The following UGT1A7 variants were observed in gnomAD, a reference collection of about 807,000 sequenced individuals.
UGT1A7 encodes the protein UDP-glucuronosyltransferase 1A7.
A neutral mutation model predicts 45.6 loss-of-function variants in UGT1A7; 33 were observed. The observed-to-expected ratio is 0.72, with a 90% CI of 0.55 to 0.97. The LOEUF (loss-of-function observed/expected upper bound fraction) is 0.97, where lower values mean the gene tolerates loss of function less well. Among genes scored for constraint, UGT1A7 ranks in the 50% least tolerant of loss-of-function variants. The pLI is 0.00. For missense variants in UGT1A7, 684 were observed against 666.2 expected (o/e 1.03, Z -0.29); for synonymous variants, 274 against 250.6 (o/e 1.09, Z -0.88).
Position 233,753,486 on chromosome 2 carries a change from C to T in UGT1A7, c.856-13548C>T, listed in dbSNP as rs1410623213. The T allele has an allele frequency of 2.0e-5, 3 of 152,196 alleles. No homozygotes were observed. The East Asian group carries it at 5.8e-4, about 29-fold the overall frequency. 9.4% of individuals were successfully genotyped at this position (152,196 alleles called of 1,614,324 possible). On this transcript the variant is annotated intron_variant, in intron 1 of 4. Coordinates refer to ENST00000373426, the MANE Select transcript of UGT1A7 (RefSeq NM_019077.3). ...TGTAAAAAATTACCAGCATGCTGCT[C>T]TTAATTTTTTTCAGCCTGTCTAGTT... is the stretch of plus-strand genomic sequence containing the variant.
chr2:233,736,773 T>A (rs572779533), intron 1 of UGT1A7, among the ~76,000 whole-genome samples: 1 of 152,322 alleles, frequency 6.6e-6, no homozygotes, highest in African/African-American at 2.4e-5. Flanking sequence ...AACAGTCAGA[T>A]CCCTCAGCTG....
chr2:233,694,710 C>T (rs934435713), intron 1 of UGT1A7, among the ~76,000 whole-genome samples: 1 of 152,132 alleles, frequency 6.6e-6, no homozygotes, highest in African/African-American at 2.4e-5. Flanking sequence ...TTCTTTACAC[C>T]TGCTGATTTC....
chr2:233,744,799 C>T (rs571960868), intron 1 of UGT1A7, among the ~76,000 whole-genome samples: 2 of 151,914 alleles, frequency 1.3e-5, no homozygotes, highest in East Asian at 3.9e-4. Flanking sequence ...CTTGGGGATC[C>T]CTAGGATTTC....
At chr2:233,735,547 G>A (rs571609142) in intron 1 of UGT1A7, among the ~76,000 whole-genome samples, 2 of 152,250 alleles carry the variant, frequency 1.3e-5, no homozygotes, top group South Asian at 4.1e-4. Flanking sequence ...ATTTGATCCT[G>A]TCATTATGGT....
chr2:233,692,873 A>G, intron 1 of UGT1A7: 2 of 1,491,190 alleles, frequency 1.3e-6, no homozygotes, highest in Middle Eastern at 2.5e-4. Flanking sequence ...ATCAAAGGGT[A>G]AAATTCAGAG....
intron 1 of UGT1A7, chr2:233,729,669 C>T: frequency 6.2e-7 from 1 of 1,613,910 alleles, no homozygotes; most frequent in Non-Finnish European, 8.5e-7. Context: ...GTGATTTAGA[C>T]TTTAAGGGCA....
At chr2:233,717,463 G>T (rs374557809) in intron 1 of UGT1A7, among the ~76,000 whole-genome samples, 2 of 152,198 alleles carry the variant, frequency 1.3e-5, no homozygotes, top group African/African-American at 4.8e-5. Context: ...CCTGTCCCAT[G>T]GGTTGTGTCC....
At chr2:233,763,858 C>A (rs577598991) in intron 1 of UGT1A7, among the ~76,000 whole-genome samples, 1 of 152,130 alleles carries the variant, frequency 6.6e-6, no homozygotes, top group Admixed American at 6.5e-5. Flanking sequence ...GGTTCACAGA[C>A]AATCGCAATG....
At chr2:233,751,878 G>C (rs139907629) in intron 1 of UGT1A7, among the ~76,000 whole-genome samples, 11 of 152,224 alleles carry the variant, frequency 7.2e-5, no homozygotes, top group African/African-American at 2.4e-4. Flanking sequence ...CCCCGTCTTG[G>C]GTATGTCTTT....
chr2:233,754,833 T>C (rs1695605452), intron 1 of UGT1A7: 1 of 1,343,184 alleles, frequency 7.4e-7, no homozygotes, highest in African/African-American at 1.5e-5. Context: ...AGCTGGAAAT[T>C]CACTGAAGGC....
rs186890365 is a variant in UGT1A7, at chr2:233,713,915, T to C, written c.855+31123T>C. ...TCCAGGCAAAACACTTTTTAAAAAA[T>C]GTATTTACTTACAAGTGCTTCCATA... On this transcript the variant is annotated intron_variant, in intron 1 of 4. Coordinates refer to ENST00000373426, the MANE Select transcript of UGT1A7 (RefSeq NM_019077.3). The C allele has an allele frequency of 2.9e-3, 4,603 of 1,612,454 alleles. 7 individuals are homozygous for C. Among genetic ancestry groups the C allele is most frequent in the Non-Finnish European group, 3.4e-3 (3,989 of 1,179,862 alleles).
intron 1 of UGT1A7, among the ~76,000 whole-genome samples, chr2:233,732,279 A>C (rs2078256222): frequency 6.6e-6 from 1 of 152,052 alleles, no homozygotes; most frequent in East Asian, 1.9e-4. Context: ...TGCTGTGGAG[A>C]AGCTCTTTAG....
intron 1 of UGT1A7, chr2:233,692,916 A>G (rs1474045639): frequency 6.4e-7 from 1 of 1,563,928 alleles, no homozygotes; most frequent in African/African-American, 1.4e-5. Context: ...TGTGAAAAGC[A>G]GTGGTTAGTT....
At chr2:233,747,795 CCTAAGTTA>C (rs2125887995) in intron 1 of UGT1A7, 1 of 1,613,516 alleles carries the variant, frequency 6.2e-7, no homozygotes, top group South Asian at 1.1e-5. Context: ...CTCCTATATT[CCTAAGTTA>C]CTAACGACCA....
At chr2:233,742,694 A>G (rs1343342305) in intron 1 of UGT1A7, 1 of 152,520 alleles carries the variant, frequency 6.6e-6, no homozygotes, top group Admixed American at 6.5e-5. Context: ...CAGAGGGAAC[A>G]TGCTTCCACC....
At chr2:233,707,472 T>C in intron 1 of UGT1A7, among the ~76,000 whole-genome samples, 1 of 152,136 alleles carries the variant, frequency 6.6e-6, no homozygotes, top group Non-Finnish European at 1.5e-5. Flanking sequence ...CTGTAAATAA[T>C]ACAGATGATT....
At chr2:233,729,547 C>T in intron 1 of UGT1A7, 2 of 1,614,168 alleles carry the variant, frequency 1.2e-6, no homozygotes, top group Non-Finnish European at 1.7e-6. Context: ...GATCAGGCAC[C>T]TGAATGCTAC....
intron 1 of UGT1A7, among the ~76,000 whole-genome samples, chr2:233,687,916 TAAATC>T (rs1183373351): frequency 6.6e-6 from 1 of 152,136 alleles, no homozygotes; most frequent in African/African-American, 2.4e-5. Flanking sequence ...TCAAAATAAA[TAAATC>T]AATAAATACA....
At chr2:233,727,612 G>A (rs1475048958) in intron 1 of UGT1A7, among the ~76,000 whole-genome samples, 1 of 152,194 alleles carries the variant, frequency 6.6e-6, no homozygotes, top group Non-Finnish European at 1.5e-5. Flanking sequence ...GAATAGTTCA[G>A]AGGCTGAGAG....
Sources: allele counts gnomAD v4.1 joint callset (sites outside exome capture counted in the v4.1 genomes callset), GRCh38; gene constraint gnomAD v4.1.1; transcripts MANE v1.5; gene names NCBI Gene and HGNC (gene_info 2026-07-23, HGNC 2026-07-21).